Variants in ELAVL2 observed in about 807,000 individuals in gnomAD.
The protein encoded by ELAVL2 is ELAV like RNA binding protein 2.
Under a neutral mutation model 34.6 loss-of-function variants are expected in ELAVL2, and 4 were observed. The ratio of observed to expected loss-of-function variants is 0.12; its 90% CI spans 0.06 to 0.26. The LOEUF (loss-of-function observed/expected upper bound fraction) is 0.26. Among genes scored for constraint, ELAVL2 ranks in the 10% least tolerant of loss-of-function variants. The pLI is 1.00. For missense variants in ELAVL2, 432 were observed against 442.8 expected, an observed-to-expected ratio of 0.98 and a Z score of 0.22; for synonymous variants, 193 against 154.8, an observed-to-expected ratio of 1.25 and a Z score of -1.83.
chr9:23,759,032 GA>G (rs2054246902), intron 2 of ELAVL2, among the ~76,000 whole-genome samples: 1 of 151,870 alleles, frequency 6.6e-6, no homozygotes, highest in African/African-American at 2.4e-5. Context: ...ATTAAAAACA[GA>G]ACTACCGTAT....
chr9:23,770,785 G>C (rs1373294460), intron 1 of ELAVL2, among the ~76,000 whole-genome samples: 1 of 152,136 alleles, frequency 6.6e-6, no homozygotes, highest in Non-Finnish European at 1.5e-5. Context: ...AATAAATCTT[G>C]TATTGTTTTA....
intron 1 of ELAVL2, among the ~76,000 whole-genome samples, chr9:23,767,365 G>C (rs1388642803): frequency 6.6e-6 from 1 of 152,174 alleles, no homozygotes; most frequent in South Asian, 2.1e-4. Flanking sequence ...GGTCACATGA[G>C]AGAAAAGCAG....
chr9:23,710,019 G>A (rs528757010), intron 3 of ELAVL2, among the ~76,000 whole-genome samples: 3 of 152,234 alleles, frequency 2.0e-5, no homozygotes, highest in East Asian at 3.9e-4. Flanking sequence ...GGGGAGGGAC[G>A]GGGAGGCAGT....
chr9:23,850,157 G>A, the ELAVL2 span, among the ~76,000 whole-genome samples: 1 of 151,932 alleles, frequency 6.6e-6, no homozygotes, highest in East Asian at 1.9e-4. Flanking sequence ...AGGTAAAGGG[G>A]AGAGTTGAGT....
chr9:23,756,578 G>T (rs1001162995), intron 2 of ELAVL2, among the ~76,000 whole-genome samples: 7 of 151,854 alleles, frequency 4.6e-5, no homozygotes, highest in Admixed American at 3.9e-4. Flanking sequence ...ACACACACAT[G>T]CTCGCACACG....
chr9:23,795,771 A>G (rs930055678), intron 1 of ELAVL2, among the ~76,000 whole-genome samples: 2 of 152,310 alleles, frequency 1.3e-5, no homozygotes, highest in Admixed American at 6.5e-5. Context: ...CACAAAGCTG[A>G]GACAAAAACA....
At chr9:23,819,837 T>G (rs2064279224) in intron 1 of ELAVL2, among the ~76,000 whole-genome samples, 1 of 152,258 alleles carries the variant, frequency 6.6e-6, no homozygotes, top group South Asian at 2.1e-4. Context: ...TTCTGGCCTT[T>G]ATCTTCCAGA....
intron 1 of ELAVL2, among the ~76,000 whole-genome samples, chr9:23,769,836 C>G (rs2056978746): frequency 6.6e-6 from 1 of 152,168 alleles, no homozygotes; most frequent in African/African-American, 2.4e-5. Flanking sequence ...ACAAAGTACA[C>G]AGTCTCCTTC....
intron 4 of ELAVL2, among the ~76,000 whole-genome samples, chr9:23,704,300 T>A (rs1480087327): frequency 5.3e-5 from 8 of 152,306 alleles, no homozygotes; most frequent in Admixed American, 2.0e-4. Flanking sequence ...AAATCTATAT[T>A]GCTATAGCTT....
At position 23,701,498 on chromosome 9, in the gene ELAVL2, G is replaced by A; in HGVS notation, c.594C>T (p.Ile198=). 6.2e-7 allele frequency: 1 copy of A among 1,614,096 alleles called. No individual in the cohort carries two copies. Among genetic ancestry groups the A allele is most frequent in the Non-Finnish European group, 8.5e-7 (1 of 1,180,000 alleles). ...GQKPPGATEP[I]TVKFANNPSQ... ...TTGGGTTATTAGCAAACTTTACAGTGATTGGCTCCGTGGCACCGGGAGGTT... is the reference window on the plus strand; with the variant it reads ...TTGGGTTATTAGCAAACTTTACAGTAATTGGCTCCGTGGCACCGGGAGGTT... Residue 198 remains isoleucine, a synonymous_variant, in exon 5 of 7, where the codon ATC becomes ATT. Transcript: ENST00000397312.
chr9:23,725,095 G>C (rs1185077503), intron 3 of ELAVL2, among the ~76,000 whole-genome samples: 1 of 152,120 alleles, frequency 6.6e-6, no homozygotes, highest in African/African-American at 2.4e-5. Flanking sequence ...AAAAACACTA[G>C]GGTGGGTTGA....
At chr9:23,849,581 T>C in the ELAVL2 span, 1 of 152,304 alleles carries the variant, frequency 6.6e-6, no homozygotes, top group Non-Finnish European at 1.5e-5. Flanking sequence ...AAGGTTCTTT[T>C]GAAACCAGAC....
chr9:23,761,184 T>C (rs1470436915), intron 2 of ELAVL2, among the ~76,000 whole-genome samples: 1 of 152,074 alleles, frequency 6.6e-6, no homozygotes, highest in African/African-American at 2.4e-5. Context: ...GTATACACTA[T>C]CAATCAAATT....
At chr9:23,740,944 G>A (rs117242450) in intron 2 of ELAVL2, among the ~76,000 whole-genome samples, 2,182 of 152,254 alleles carry the variant, frequency 0.014, 21 homozygotes, top group Non-Finnish European at 0.023. Flanking sequence ...TTTCATAGCG[G>A]TGGAAAAAAG....
chr9:23,786,477 T>C (rs1256933958), intron 1 of ELAVL2, among the ~76,000 whole-genome samples: 2 of 151,634 alleles, frequency 1.3e-5, no homozygotes, highest in Non-Finnish European at 2.9e-5. Flanking sequence ...AGAATAACAA[T>C]GAAACTTGAG....
intron 1 of ELAVL2, among the ~76,000 whole-genome samples, chr9:23,813,053 C>G (rs1356571254): frequency 6.6e-6 from 1 of 152,178 alleles, no homozygotes; most frequent in African/African-American, 2.4e-5. Flanking sequence ...AGGCTCCACA[C>G]TGACATTTTC....
At chr9:23,850,108 A>AGGGGGT in the ELAVL2 span, among the ~76,000 whole-genome samples, 3 of 90,692 alleles carry the variant, frequency 3.3e-5, no homozygotes, top group Non-Finnish European at 6.8e-5. Context: ...CATACCGGGG[A>AGGGGGT]GGGGGTGGGG....
intron 1 of ELAVL2, among the ~76,000 whole-genome samples, chr9:23,790,825 C>G (rs544097233): frequency 1.3e-5 from 2 of 152,190 alleles, no homozygotes; most frequent in Non-Finnish European, 2.9e-5. Flanking sequence ...CAACACAACA[C>G]AAAACATCCT....
intron 3 of ELAVL2, among the ~76,000 whole-genome samples, chr9:23,712,595 C>T (rs2041270428): frequency 6.6e-6 from 1 of 152,012 alleles, no homozygotes; most frequent in South Asian, 2.1e-4. Context: ...TAGTACTTTC[C>T]ACCAATTAAA....
Sources: gnomAD v4.1 joint callset for allele counts (sites outside exome capture counted in the v4.1 genomes callset) on GRCh38, gnomAD v4.1.1 for gene constraint, MANE v1.5 for transcripts, NCBI Gene and HGNC (gene_info 2026-07-23, HGNC 2026-07-21) for gene names.